PIK3C2B: variants seen among roughly 807,000 people sequenced by gnomAD.
PIK3C2B encodes phosphatidylinositol 4-phosphate 3-kinase C2 domain-containing subunit beta.
Under a neutral mutation model 184.3 loss-of-function variants are expected in PIK3C2B, and 83 were observed. The observed-to-expected ratio is 0.45, with a 90% CI of 0.38 to 0.54. The LOEUF is 0.54. Among genes scored for constraint, PIK3C2B ranks in the 20% least tolerant of loss-of-function variants. PIK3C2B has a pLI of 0.00. For synonymous variants in PIK3C2B, 779 were observed against 837.6 expected (o/e 0.93, Z 1.21); for missense variants, 1,736 against 2,113.5 (o/e 0.82, Z 3.50).
At position 204,447,157 on chromosome 1, in the gene PIK3C2B, C is replaced by A. The variant is rs994105350; in HGVS notation, c.2489+279G>T. On this transcript the variant is annotated intron_variant, in intron 15 of 32. Coordinates refer to ENST00000684373, the MANE Select transcript of PIK3C2B (RefSeq NM_001377334.1). This position sits in a 1 kb window ranked among gnomAD's most constrained non-coding sequence, Gnocchi z 4.1. ...GGACAGAAGGTAGTAGATAGCACAT[C>A]TGGGATGTGGGGCAGAGCTCTGGTC... Among the ~76,000 whole-genome samples the A allele has an allele frequency of 4.6e-5, 7 of 152,146 alleles. No individual in the cohort carries two copies. Among genetic ancestry groups the A allele is most frequent in the Non-Finnish European group, 8.8e-5 (6 of 68,022 alleles).
At chr1:204,426,247 C>T (rs914755210) in intron 31 of PIK3C2B, among the ~76,000 whole-genome samples, 5 of 152,218 alleles carry the variant, frequency 3.3e-5, no homozygotes, top group African/African-American at 9.6e-5. Context: ...GAAAAAGCCA[C>T]GGTTCTTACT....
intron 8 of PIK3C2B, among the ~76,000 whole-genome samples, chr1:204,458,701 CCAGGCTGGT>C (rs1171508511): frequency 6.6e-6 from 1 of 152,090 alleles, no homozygotes; most frequent in Non-Finnish European, 1.5e-5. Context: ...ACCATGTTGG[CCAGGCTGGT>C]CTCGAACTCC....
chr1:204,481,875 G>C (rs1657180951), intron 1 of PIK3C2B, among the ~76,000 whole-genome samples: 1 of 152,200 alleles, frequency 6.6e-6, no homozygotes, highest in Non-Finnish European at 1.5e-5. Context: ...GGAAAGGAAA[G>C]GGACACCGGT....
chr1:204,455,879 G>C lies in PIK3C2B; in HGVS notation c.1920C>G (p.Arg640=). The C allele has an allele frequency of 6.2e-7, 1 of 1,613,140 alleles. No individual in the cohort carries two copies. Among genetic ancestry groups the C allele is most frequent in the Non-Finnish European group, 8.5e-7 (1 of 1,179,394 alleles). ...SLAFTVYATH[R]IPIIWATSYE... ...ACCTGGTAGCCCAGATGATGGGGATGCGGTGGGTGGCATAGACAGTGAAGG... is the reference window on the plus strand; with the variant it reads ...ACCTGGTAGCCCAGATGATGGGGATCCGGTGGGTGGCATAGACAGTGAAGG... The change falls in exon 11 of 33, where the codon CGC becomes CGG. Residue 640 remains arginine (R), a synonymous_variant. Coordinates refer to ENST00000684373, the MANE Select transcript of PIK3C2B (RefSeq NM_001377334.1).
chr1:204,441,234 A>G (rs987514108), intron 21 of PIK3C2B, among the ~76,000 whole-genome samples: 1 of 152,204 alleles, frequency 6.6e-6, no homozygotes, highest in African/African-American at 2.4e-5. Flanking sequence ...TCTGCCTCCT[A>G]GAAAGCACTT....
Position 204,457,031 on chromosome 1 carries a change from C to A in PIK3C2B, c.1747+6G>T. ...ACTGGATGAAGATGGAGAGCAGTTC[C>A]CTTACCTCGGTTTTCCCTCACAGCC... On this transcript the variant is annotated splice_donor_region_variant and intron_variant, in intron 10 of 32. Transcript: ENST00000684373. 1.3e-6 allele frequency: 2 copies of A among 1,566,062 alleles called. No individual in the cohort carries two copies. The highest frequency in any genetic ancestry group is 1.7e-6 in the Non-Finnish European group (2 of 1,153,850).
intron 5 of PIK3C2B, 109 bp from the exon 6 acceptor site, chr1:204,460,770 G>C: frequency 1.4e-6 from 1 of 726,018 alleles, no homozygotes; most frequent in Non-Finnish European, 2.5e-6. Flanking sequence ...TTAGGTAAGG[G>C]GGTAGTACCC....
In PIK3C2B at chr1:204,449,617, T is replaced by C. The variant is rs76740690; in HGVS notation, c.2234+233A>G. Among the ~76,000 whole-genome samples, 452 of 152,294 alleles carry C rather than the reference T, an allele frequency of 3.0e-3. 7 individuals are homozygous for C. The East Asian group carries it at 0.044, about 15-fold the overall frequency. On this transcript the variant is annotated intron_variant, in intron 13 of 32. Coordinates refer to ENST00000684373, the MANE Select transcript of PIK3C2B (RefSeq NM_001377334.1). The stretch of plus-strand genomic sequence containing the variant: ...AGATGATCTATTACCCAAGCATTGC[T>C]TTTCCATGTATCCTTAACATGGTCC...
intron 20 of PIK3C2B, 119 bp from the exon 21 acceptor site, chr1:204,441,682 T>C: frequency 1.7e-6 from 1 of 589,958 alleles, no homozygotes; most frequent in South Asian, 2.4e-5. Context: ...ACCCAAGACC[T>C]GCTCATTGTT....
intron 1 of PIK3C2B, among the ~76,000 whole-genome samples, chr1:204,483,665 G>A (rs973484486): frequency 1.3e-5 from 2 of 152,210 alleles, no homozygotes; most frequent in African/African-American, 4.8e-5. Context: ...AAAGAATCAT[G>A]TCAATTAGTT....
rs1323903638 is a variant in PIK3C2B, at chr1:204,422,984, C to T, written c.*1868G>A. 1 of 152,188 alleles carries T rather than the reference C, an allele frequency of 6.6e-6. No individual in the cohort carries two copies. Among genetic ancestry groups the T allele is most frequent in the Non-Finnish European group, 1.5e-5 (1 of 68,028 alleles). 9.4% of individuals were successfully genotyped at this position (152,188 alleles called of 1,614,324 possible). ...GTCAGCAAAACGGGGAGTTTCTGAT[C>T]CTTGGAATTAGGGAGGGACAGTTTA... On this transcript the variant is annotated 3_prime_UTR_variant, in exon 33 of 33. Coordinates refer to ENST00000684373, the MANE Select transcript of PIK3C2B (RefSeq NM_001377334.1).
chr1:204,455,809 G>A lies in PIK3C2B; in HGVS notation c.1943+47C>T, dbSNP rs200065603. 8.8e-6 allele frequency: 13 copies of A among 1,472,164 alleles called. No homozygotes were observed. The East Asian group carries it at 2.5e-4, about 28-fold the overall frequency. The allele number at this position is 1,472,164 out of a possible 1,614,324, so 91.2% of individuals were successfully genotyped here. ...GCAGATAGGAAAAAGCCCTGGTGGA[G>A]GTCAAACTCAGCTTGCTCCCTAGCG... On this transcript the variant is annotated intron_variant, in intron 11 of 32. Coordinates refer to ENST00000684373, the MANE Select transcript of PIK3C2B (RefSeq NM_001377334.1).
intron 10 of PIK3C2B, 61 bp downstream of exon 10, chr1:204,456,976 G>A (rs909205565): frequency 1.5e-5 from 22 of 1,421,244 alleles, no homozygotes; most frequent in African/African-American, 8.6e-5. Flanking sequence ...AAAAGGAATC[G>A]GGGCAGAGAC....
Position 204,445,993 on chromosome 1 carries a change from T to C in PIK3C2B, c.2641A>G (p.Met881Val), listed in dbSNP as rs866033740. 1 of 1,577,042 alleles carries C rather than the reference T, an allele frequency of 6.3e-7. No homozygotes were observed. The highest frequency in any genetic ancestry group is 8.6e-7 in the Non-Finnish European group (1 of 1,156,606). Reference protein sequence around the residue: ...IYVLLKQWTHMNHQDALGLLH... With the variant: ...IYVLLKQWTHVNHQDALGLLH... The stretch of plus-strand genomic sequence containing the variant: ...AGCCCCAGGGCATCCTGGTGGTTCA[T>C]GTGGGTCCACTGCTTCAGGAGAACA... Residue 881 changes from methionine (M) to valine (V), a missense_variant, in exon 16 of 33, where the codon ATG becomes GTG. Physicochemically the swap from Met to Val is conservative, Grantham distance 21. Around this residue, in one of 8 missense-constraint regions of PIK3C2B, gnomAD observed 609 missense variants for 699.2 expected, o/e 0.87. Coordinates refer to ENST00000684373, the MANE Select transcript of PIK3C2B (RefSeq NM_001377334.1).
intron 1 of PIK3C2B, among the ~76,000 whole-genome samples, chr1:204,484,185 T>A (rs540683296): frequency 1.4e-4 from 21 of 150,386 alleles, no homozygotes; most frequent in Non-Finnish European, 2.5e-4. Flanking sequence ...GAAATATACC[T>A]TTTTTTCCCC....
At chr1:204,448,440 G>A (rs1026650604) in intron 14 of PIK3C2B, among the ~76,000 whole-genome samples, 1 of 152,098 alleles carries the variant, frequency 6.6e-6, no homozygotes, top group Admixed American at 6.6e-5. Flanking sequence ...ACATGTGCCA[G>A]GCATTTTCTA....
Position 204,469,596 on chromosome 1 carries a change from G to T in PIK3C2B, c.207C>A (p.Ser69Arg). The change falls in exon 2 of 33, where the codon AGC becomes AGA. Residue 69 changes from serine to arginine, a missense_variant. Ser to Arg is a moderately radical substitution (Grantham distance 110, BLOSUM62 -1). Coordinates refer to ENST00000684373, the MANE Select transcript of PIK3C2B (RefSeq NM_001377334.1). ...GGTCGGTCCGCCTTCCTGCTGGCTT[G>T]CTGTAAAAGTCTACCCCAGGCTCAT... ...SWDEPGVDFY[S>R]KPAGRRTDLK... The T allele has an allele frequency of 6.2e-7, 1 of 1,600,712 alleles. No homozygotes were observed. Among genetic ancestry groups the T allele is most frequent in the Non-Finnish European group, 8.5e-7 (1 of 1,172,202 alleles).
chr1:204,489,861 T>G (rs958910071), intron 1 of PIK3C2B: 1 of 397,620 alleles, frequency 2.5e-6, no homozygotes, highest in African/African-American at 2.1e-5. Context: ...TTCCTCAAAA[T>G]GGAATCCTTT....
Position 204,432,288 on chromosome 1 carries a change from G to A in PIK3C2B, c.4067C>T (p.Ser1356Phe), listed in dbSNP as rs1204789809. The change falls in exon 27 of 33, where the codon TCC becomes TTC. Residue 1356 changes from serine to phenylalanine, a missense_variant. Coordinates refer to ENST00000684373, the MANE Select transcript of PIK3C2B (RefSeq NM_001377334.1). Reference sequence around the variant, plus strand: ...AGAGCTCTTGAGAGTGTGTGTTCGGGAGGCAAAGGAGAGGGTCAGCCGGTC... The same window carrying A: ...AGAGCTCTTGAGAGTGTGTGTTCGGAAGGCAAAGGAGAGGGTCAGCCGGTC... Reference protein sequence around the residue: ...SDDRLTLSFASRTHTLKSSGR... With the variant: ...SDDRLTLSFAFRTHTLKSSGR... The A allele has an allele frequency of 1.2e-6, 2 of 1,614,060 alleles. No homozygotes were observed. The highest frequency in any genetic ancestry group is 3.3e-5 in the Admixed American group (2 of 60,008).
Sources: allele counts gnomAD v4.1 joint callset (sites outside exome capture counted in the v4.1 genomes callset), GRCh38; gene constraint gnomAD v4.1.1; regional missense constraint gnomAD v4.1.1; non-coding constraint Gnocchi (gnomAD v3.1); transcripts MANE v1.5; gene names NCBI Gene and HGNC (gene_info 2026-07-23, HGNC 2026-07-21).